TMEM132D: variants seen among roughly 807,000 people sequenced by gnomAD.
TMEM132D encodes the protein transmembrane protein 132D.
TMEM132D carries 21 observed loss-of-function variants against 62.3 expected under a neutral mutation model. The ratio of observed to expected loss-of-function variants is 0.34; its 90% CI spans 0.24 to 0.49. The LOEUF (loss-of-function observed/expected upper bound fraction) is 0.49, where lower values mean the gene tolerates loss of function less well. Among genes scored for constraint, TMEM132D ranks in the 20% least tolerant of loss-of-function variants. The pLI is 0.99. For missense variants in TMEM132D, 1,346 were observed against 1,402.8 expected (o/e 0.96, Z 0.65); for synonymous variants, 621 against 575.6 (o/e 1.08, Z -1.13).
chr12:129,107,144 T>C (rs1442971235), intron 5 of TMEM132D, among the ~76,000 whole-genome samples: 2 of 152,120 alleles, frequency 1.3e-5, no homozygotes, highest in African/African-American at 4.8e-5. Flanking sequence ...GTGCAAGAGC[T>C]CTAATAGGAA....
At chr12:129,402,616 G>C (rs1189054046) in intron 3 of TMEM132D, among the ~76,000 whole-genome samples, 1 of 152,182 alleles carries the variant, frequency 6.6e-6, no homozygotes, top group Non-Finnish European at 1.5e-5. Flanking sequence ...TGTCACCCAG[G>C]CTGGAGTGCA....
chr12:129,559,752 A>G (rs1187777419), intron 2 of TMEM132D, among the ~76,000 whole-genome samples: 1 of 152,236 alleles, frequency 6.6e-6, no homozygotes, highest in African/African-American at 2.4e-5. Flanking sequence ...TCAACTTGAT[A>G]GAATCTTTAA....
intron 4 of TMEM132D, among the ~76,000 whole-genome samples, chr12:129,306,179 C>A (rs916059582): frequency 6.6e-6 from 1 of 152,140 alleles, no homozygotes; most frequent in African/African-American, 2.4e-5. Flanking sequence ...TTATATAACA[C>A]CTCGGTTACC....
At chr12:129,410,358 T>TTTGC (rs1184578372) in intron 3 of TMEM132D, among the ~76,000 whole-genome samples, 2 of 151,626 alleles carry the variant, frequency 1.3e-5, no homozygotes, top group Non-Finnish European at 3.0e-5. Context: ...GTTTTGTTTG[T>TTTGC]TTGTTTGTTT....
intron 3 of TMEM132D, among the ~76,000 whole-genome samples, chr12:129,365,793 G>A (rs1870389376): frequency 6.6e-6 from 1 of 152,118 alleles, no homozygotes; most frequent in Non-Finnish European, 1.5e-5. Context: ...GCAGCTCCTG[G>A]CACTAGAGGT....
chr12:129,271,251 G>A (rs1343759740), intron 4 of TMEM132D, among the ~76,000 whole-genome samples: 4 of 149,418 alleles, frequency 2.7e-5, no homozygotes, highest in South Asian at 2.1e-4. Context: ...AGCCCCCTCC[G>A]TGGATTTTCA....
At chr12:129,484,352 A>C (rs1010412206) in intron 3 of TMEM132D, among the ~76,000 whole-genome samples, 13 of 152,166 alleles carry the variant, frequency 8.5e-5, no homozygotes, top group African/African-American at 3.1e-4. Context: ...TGGACCAAAA[A>C]CTTGTCCAAG....
At chr12:129,405,542 G>T (rs1871758235) in intron 3 of TMEM132D, among the ~76,000 whole-genome samples, 1 of 152,186 alleles carries the variant, frequency 6.6e-6, no homozygotes, top group African/African-American at 2.4e-5. Context: ...ATGGAGGTGG[G>T]TCGGGAGGTC....
intron 2 of TMEM132D, among the ~76,000 whole-genome samples, chr12:129,583,300 A>G (rs949008241): frequency 1.3e-5 from 2 of 152,190 alleles, no homozygotes; most frequent in Non-Finnish European, 2.9e-5. Flanking sequence ...TAGTGATGGG[A>G]AGCAGATCAT....
chr12:129,166,374 A>G (rs12823869), intron 5 of TMEM132D, among the ~76,000 whole-genome samples: 5,272 of 35,922 alleles, frequency 0.15, 152 homozygotes, highest in East Asian at 0.27. Context: ...GCGGAGCTCC[A>G]TCTAAAGGGC....
Position 129,900,566 on chromosome 12 carries a change from G to A in TMEM132D, c.79+2695C>T, listed in dbSNP as rs185437809. On this transcript the variant is annotated intron_variant, in intron 1 of 8. Transcript: ENST00000422113. Reference sequence around the variant, plus strand: ...GGGAACATAACTGGGAAGGATGCACGTGAGGACTGTAACAAGCAACCTAAA... The same window carrying A: ...GGGAACATAACTGGGAAGGATGCACATGAGGACTGTAACAAGCAACCTAAA... Among the ~76,000 whole-genome samples, 7 of 152,312 alleles carry A rather than the reference G, an allele frequency of 4.6e-5. No homozygotes were observed. In the South Asian group the frequency reaches 6.2e-4, roughly 14 times the overall value.
intron 4 of TMEM132D, among the ~76,000 whole-genome samples, chr12:129,261,828 C>G (rs923126291): frequency 5.3e-5 from 8 of 152,162 alleles, no homozygotes; most frequent in African/African-American, 1.9e-4. Context: ...TTAATTACCT[C>G]ATTAAAGTCC....
intron 1 of TMEM132D, among the ~76,000 whole-genome samples, chr12:129,868,987 T>G (rs1426573695): frequency 6.6e-6 from 1 of 152,056 alleles, no homozygotes; most frequent in East Asian, 1.9e-4. Context: ...ATCTGTGGGT[T>G]GCAAATTGGC....
chr12:129,709,780 A>G (rs996368475), intron 1 of TMEM132D, among the ~76,000 whole-genome samples: 1 of 152,234 alleles, frequency 6.6e-6, no homozygotes, highest in African/African-American at 2.4e-5. Context: ...GAATAAAGAA[A>G]GAGGATGTTT....
chr12:129,642,132 C>G (rs12319987), intron 2 of TMEM132D, among the ~76,000 whole-genome samples: 2 of 152,144 alleles, frequency 1.3e-5, no homozygotes, highest in East Asian at 3.9e-4. Flanking sequence ...GGAAGTCTAA[C>G]GGAAGGGGCC....
intron 3 of TMEM132D, among the ~76,000 whole-genome samples, chr12:129,514,696 A>G (rs538759757): frequency 2.2e-4 from 34 of 152,326 alleles, no homozygotes; most frequent in African/African-American, 7.7e-4. Flanking sequence ...TTTGCTGAAC[A>G]GGAGAGAACG....
chr12:129,628,551 G>A (rs1343668097), intron 2 of TMEM132D, among the ~76,000 whole-genome samples: 2 of 152,146 alleles, frequency 1.3e-5, no homozygotes, highest in Non-Finnish European at 2.9e-5. Context: ...CTATGTGCTG[G>A]GAACTCTGCT....
chr12:129,894,436 CAA>C (rs754830056), intron 1 of TMEM132D, among the ~76,000 whole-genome samples: 5 of 152,278 alleles, frequency 3.3e-5, no homozygotes, highest in East Asian at 1.9e-4. Context: ...AGAGCAGAAA[CAA>C]AGAGGGTCTG....
At chr12:129,723,049 G>T (rs188543943) in intron 1 of TMEM132D, among the ~76,000 whole-genome samples, 6 of 152,170 alleles carry the variant, frequency 3.9e-5, no homozygotes, top group African/African-American at 1.2e-4. Context: ...GCCGATCCTG[G>T]CTATTTCCAA....
Sources: gnomAD v4.1 joint callset for allele counts (sites outside exome capture counted in the v4.1 genomes callset) on GRCh38, gnomAD v4.1.1 for gene constraint, MANE v1.5 for transcripts, NCBI Gene and HGNC (gene_info 2026-07-23, HGNC 2026-07-21) for gene names.